CRYL1: variants seen among roughly 807,000 people sequenced by gnomAD.
CRYL1 encodes crystallin lambda 1.
In CRYL1, 29 loss-of-function variants were observed where a neutral mutation model predicts 36.6. That is an observed-to-expected ratio of 0.79 (90% confidence interval 0.59 to 1.08). CRYL1 has a LOEUF of 1.08. Ranked by LOEUF, CRYL1 falls within the 50% of genes least tolerant of loss-of-function variation. The pLI is 0.00. For missense variants in CRYL1, 411 were observed against 407.9 expected (o/e 1.01, Z -0.06); for synonymous variants, 152 against 151.5 (o/e 1.00, Z -0.02).
At chr13:20,522,351 CA>C (rs200023427) in intron 1 of CRYL1, among the ~76,000 whole-genome samples, 16 of 139,968 alleles carry the variant, frequency 1.1e-4, no homozygotes, top group East Asian at 2.0e-4. Flanking sequence ...GAATCCGTCT[CA>C]AAAAAAAAAA....
At chr13:20,406,412 G>A (rs1215336444) in intron 6 of CRYL1, among the ~76,000 whole-genome samples, 1 of 152,090 alleles carries the variant, frequency 6.6e-6, no homozygotes, top group Admixed American at 6.6e-5. Flanking sequence ...GGTTTTGAAG[G>A]GTAAAAGACT....
intron 2 of CRYL1, among the ~76,000 whole-genome samples, chr13:20,506,904 C>T (rs2033803411): frequency 6.6e-6 from 1 of 152,156 alleles, no homozygotes; most frequent in African/African-American, 2.4e-5. Flanking sequence ...AATTGTAGCT[C>T]CCATAATTCC....
chr13:20,456,336 T>G (rs73443956), intron 3 of CRYL1, among the ~76,000 whole-genome samples: 6,215 of 151,618 alleles, frequency 0.041, 425 homozygotes, highest in African/African-American at 0.14. Context: ...TAGCTGGGGT[T>G]GTGGCACAAG....
chr13:20,485,355 C>T (rs1041080678), intron 3 of CRYL1, among the ~76,000 whole-genome samples: 3 of 152,076 alleles, frequency 2.0e-5, no homozygotes, highest in African/African-American at 7.2e-5. Flanking sequence ...ATTAAATTTG[C>T]TTTACATCAT....
intron 3 of CRYL1, among the ~76,000 whole-genome samples, chr13:20,475,820 A>C (rs1371628192): frequency 6.6e-6 from 1 of 152,252 alleles, no homozygotes; most frequent in Non-Finnish European, 1.5e-5. Flanking sequence ...CAAGATAGCA[A>C]GTGCCTTCAA....
chr13:20,447,171 G>A (rs530143351), intron 3 of CRYL1, among the ~76,000 whole-genome samples: 38 of 152,280 alleles, frequency 2.5e-4, no homozygotes, highest in African/African-American at 8.7e-4. Flanking sequence ...ATTTCTTAAA[G>A]TTCAAATGTC....
At chr13:20,505,638 G>C (rs538466078) in intron 2 of CRYL1, among the ~76,000 whole-genome samples, 26 of 152,134 alleles carry the variant, frequency 1.7e-4, no homozygotes, top group Admixed American at 4.6e-4. Flanking sequence ...AGGGACACTG[G>C]GGGTGTGATG....
chr13:20,454,955 A>G (rs1447816869), intron 3 of CRYL1, among the ~76,000 whole-genome samples: 1 of 152,194 alleles, frequency 6.6e-6, no homozygotes, highest in Non-Finnish European at 1.5e-5. Context: ...TAGCCAGTGC[A>G]ATAAGGCAAG....
At chr13:20,471,598 C>G (rs909100953) in intron 3 of CRYL1, among the ~76,000 whole-genome samples, 4 of 151,358 alleles carry the variant, frequency 2.6e-5, no homozygotes, top group African/African-American at 9.7e-5. Context: ...GAGCGAGACT[C>G]TGTCTCAAAA....
chr13:20,514,436 A>G (rs1239999722), intron 1 of CRYL1, among the ~76,000 whole-genome samples: 1 of 152,200 alleles, frequency 6.6e-6, no homozygotes, highest in African/African-American at 2.4e-5. Context: ...TCTACAAACT[A>G]CTTGACTGGT....
intron 5 of CRYL1, among the ~76,000 whole-genome samples, chr13:20,423,738 C>CTCACTGA (rs1330426923): frequency 6.9e-6 from 1 of 144,926 alleles, no homozygotes; most frequent in Non-Finnish European, 1.5e-5. Flanking sequence ...ACACTGAGTA[C>CTCACTGA]TCACTGATTC....
At chr13:20,445,337 G>C (rs1376712772) in intron 3 of CRYL1, among the ~76,000 whole-genome samples, 4 of 152,114 alleles carry the variant, frequency 2.6e-5, no homozygotes, top group Non-Finnish European at 5.9e-5. Flanking sequence ...GGAAATGTTG[G>C]CATTCAGGGC....
intron 1 of CRYL1, among the ~76,000 whole-genome samples, chr13:20,517,808 T>C (rs946377878): frequency 2.0e-5 from 3 of 146,730 alleles, no homozygotes; most frequent in Admixed American, 1.4e-4. Context: ...TGGTGGCGGA[T>C]GCCTGTAGTC....
chr13:20,428,341 T>G (rs574724391), intron 5 of CRYL1, among the ~76,000 whole-genome samples: 1 of 152,278 alleles, frequency 6.6e-6, no homozygotes, highest in East Asian at 1.9e-4. Flanking sequence ...TATTCCAAAA[T>G]CTGCAAACAT....
At chr13:20,472,112 T>C (rs1406458482) in intron 3 of CRYL1, among the ~76,000 whole-genome samples, 1 of 152,050 alleles carries the variant, frequency 6.6e-6, no homozygotes, top group Admixed American at 6.6e-5. Context: ...CCACCCGCCT[T>C]AGCCTCCCAA....
At chr13:20,452,622 TGATG>T (rs924399600) in intron 3 of CRYL1, among the ~76,000 whole-genome samples, 26 of 152,192 alleles carry the variant, frequency 1.7e-4, no homozygotes, top group African/African-American at 6.3e-4. Context: ...GATACTATAT[TGATG>T]GATACATGTC....
At chr13:20,475,070 A>C (rs1015478397) in intron 3 of CRYL1, among the ~76,000 whole-genome samples, 1 of 152,176 alleles carries the variant, frequency 6.6e-6, no homozygotes, top group Non-Finnish European at 1.5e-5. Flanking sequence ...CGCGATGTCC[A>C]TTGCCCAGAG....
chr13:20,426,006 G>GGGAAAACCTCCTAAAA (rs2031925619), intron 5 of CRYL1, among the ~76,000 whole-genome samples: 1 of 152,072 alleles, frequency 6.6e-6, no homozygotes, highest in African/African-American at 2.4e-5. Flanking sequence ...GACTCCTAAA[G>GGGAAAACCTCCTAAAA]GGAAAACCTC....
intron 2 of CRYL1, among the ~76,000 whole-genome samples, chr13:20,494,400 C>G (rs73163214): frequency 0.19 from 28,915 of 152,198 alleles, 3,172 homozygotes; most frequent in East Asian, 0.3. Flanking sequence ...TAACCACCGC[C>G]AATCCTCTTT....
Sources: allele counts gnomAD v4.1 joint callset (sites outside exome capture counted in the v4.1 genomes callset), GRCh38; gene constraint gnomAD v4.1.1; transcripts MANE v1.5; gene names NCBI Gene and HGNC (gene_info 2026-07-23, HGNC 2026-07-21).